The following SH2D3A variants were observed in gnomAD, a reference collection of about 807,000 sequenced individuals.
The protein encoded by SH2D3A is SH2 domain containing 3A, also known as SH2 domain-containing protein 3A.
A neutral mutation model predicts 50.6 loss-of-function variants in SH2D3A; 46 were observed. That is an observed-to-expected ratio of 0.91 (90% CI 0.72 to 1.16). SH2D3A has a LOEUF of 1.16. Among genes scored for constraint, SH2D3A ranks in the 50% most tolerant of loss-of-function variants. The pLI is 0.00. For synonymous variants in SH2D3A, 377 were observed against 348.4 expected, an observed-to-expected ratio of 1.08 and a Z score of -0.91; for missense variants, 783 against 786.2, an observed-to-expected ratio of 1.00 and a Z score of 0.05.
At position 6,754,693 on chromosome 19, in the gene SH2D3A, G is replaced by C. The variant is rs1419897376; in HGVS notation, c.1020C>G (p.Gly340=). The part of the protein sequence containing the change: ...GLLGVTRDQR[G]NMGVSSGLEL... ...CCAGGCCAGATGAGACTCCCATGTT[G>C]CCCCGCTGATCTCTGGTCACTCCCA... The change falls in exon 6 of 10, where the codon GGC becomes GGG. Residue 340 remains glycine, a synonymous_variant. Coordinates refer to ENST00000245908, the MANE Select transcript of SH2D3A (RefSeq NM_005490.3). 6.2e-7 allele frequency: 1 copy of C among 1,614,216 alleles called. No homozygotes were observed. Among genetic ancestry groups the C allele is most frequent in the South Asian group, 1.1e-5 (1 of 91,084 alleles).
chr19:6,753,929 C>T (rs1426502334), intron 8 of SH2D3A, 123 bp downstream of exon 8: 1 of 1,214,874 alleles, frequency 8.2e-7, no homozygotes, highest in Non-Finnish European at 1.1e-6. Context: ...ATGTGGAGGG[C>T]GGGGCCTATG....
intron 3 of SH2D3A, 55 bp from the exon 4 acceptor site, chr19:6,759,725 C>T: frequency 6.5e-7 from 1 of 1,545,280 alleles, no homozygotes; most frequent in Non-Finnish European, 8.9e-7. Context: ...GTGTCCCCCA[C>T]CAATATCTGC....
intron 6 of SH2D3A, 36 bp from the exon 7 acceptor site, chr19:6,754,461 G>A (rs760020047): frequency 6.5e-7 from 1 of 1,530,244 alleles, no homozygotes; most frequent in Non-Finnish European, 8.7e-7. Context: ...GGGGGAAGTG[G>A]GGAGGTTTGT....
intron 4 of SH2D3A, 89 bp downstream of exon 4, chr19:6,759,505 G>A (rs1969887231): frequency 1.8e-6 from 2 of 1,136,540 alleles, no homozygotes; most frequent in African/African-American, 1.5e-5. Flanking sequence ...ATTGAGGCTC[G>A]AAGAGGTGCC....
chr19:6,765,003 C>T (rs1970234325), intron 1 of SH2D3A, among the ~76,000 whole-genome samples: 1 of 150,634 alleles, frequency 6.6e-6, no homozygotes, highest in Non-Finnish European at 1.5e-5. Context: ...TCGGCCTCCT[C>T]AGTAGCTGGG....
At chr19:6,759,548 G>A in intron 4 of SH2D3A, 46 bp downstream of exon 4, 1 of 1,571,174 alleles carries the variant, frequency 6.4e-7, no homozygotes, top group Non-Finnish European at 8.8e-7. Context: ...GGTGGTGAGT[G>A]GCAGAGCCAA....
rs771362495 is a variant in SH2D3A, at chr19:6,753,540, G to A, written c.1486C>T (p.Arg496Trp). The A allele has an allele frequency of 3.1e-5, 49 of 1,568,300 alleles. No individual in the cohort carries two copies. The highest frequency in any genetic ancestry group is 7.5e-5 in the Admixed American group (4 of 53,484). The change falls in exon 9 of 10, where the codon CGG (arginine) becomes TGG (tryptophan). Residue 496 changes from arginine (R) to tryptophan (W), a missense_variant. By Grantham distance (101) the Arg-to-Trp change is moderately radical (BLOSUM62 -3). Transcript: ENST00000245908. ...VAGPLDESCE[R>W]LLRTLHGARH... ...GCCCCGTGCAGGGTGCGCAACAGCC[G>A]CTCACAGCTCTCGTCCAGCGGCCCC...
intron 7 of SH2D3A, 43 bp from the exon 8 acceptor site, chr19:6,754,206 A>G (rs769803504): frequency 6.2e-7 from 1 of 1,607,392 alleles, no homozygotes; most frequent in Non-Finnish European, 8.5e-7. Context: ...CAGTCTTCCC[A>G]GTCACCCGCA....
rs1444176185 is a variant in SH2D3A, at chr19:6,761,251, T to C, written c.70-264A>G. On this transcript the variant is annotated intron_variant, in intron 2 of 9. Coordinates refer to ENST00000245908, the MANE Select transcript of SH2D3A (RefSeq NM_005490.3). ...AATGGGATGTGGGGTAGAAGGGCTA[T>C]GGGAAATATCCAGACCTGGCGCATA... The C allele has an allele frequency of 1.1e-5, 5 of 462,012 alleles. No individual in the cohort carries two copies. The East Asian group carries it at 1.5e-4, about 14-fold the overall frequency. 28.6% of individuals were successfully genotyped at this position (462,012 alleles called of 1,614,324 possible).
Position 6,761,000 on chromosome 19 carries a change from T to G in SH2D3A, c.70-13A>C, listed in dbSNP as rs7246122. 362,390 of 1,591,258 alleles carry G rather than the reference T, an allele frequency of 0.23. 44,235 individuals carry two copies. The highest frequency in any genetic ancestry group is 0.42 in the African/African-American group (31,672 of 74,528). On this transcript the variant is annotated splice_polypyrimidine_tract_variant and intron_variant, in intron 2 of 9. Coordinates refer to ENST00000245908, the MANE Select transcript of SH2D3A (RefSeq NM_005490.3). Reference sequence around the variant, plus strand: ...GAGCTTCAGCCTTCTGTGGATGAAGTTCAGGGGGCAGGGGAATTAGGAATG... The same window carrying G: ...GAGCTTCAGCCTTCTGTGGATGAAGGTCAGGGGGCAGGGGAATTAGGAATG...
intron 8 of SH2D3A, 43 bp downstream of exon 8, chr19:6,754,009 G>A (rs1458662240): frequency 6.5e-7 from 1 of 1,541,772 alleles, no homozygotes; most frequent in Non-Finnish European, 8.7e-7. Context: ...GTTAAATTTG[G>A]TCTGGGCCCC....
Position 6,760,915 on chromosome 19 carries a change from C to G in SH2D3A, c.142G>C (p.Val48Leu), listed in dbSNP as rs893883445. Residue 48 changes from valine (V) to leucine (L), a missense_variant, in exon 3 of 10, where the codon GTG (valine) becomes CTG (leucine). Physicochemically the swap from Val to Leu is conservative, Grantham distance 32 (BLOSUM62 1). Coordinates refer to ENST00000245908, the MANE Select transcript of SH2D3A (RefSeq NM_005490.3). ...GAGCCCCGCCAGCGGCAGGAGATCA[C>G]GGGGTTGCCCCCACGGGACCCAGAG... ...RASGSRGGNP[V>L]ISCRWRGSAL... 3 of 1,614,154 alleles carry G rather than the reference C, an allele frequency of 1.9e-6. No homozygotes were observed. The highest frequency in any genetic ancestry group is 2.5e-6 in the Non-Finnish European group (3 of 1,180,024).
chr19:6,753,617 G>A lies in SH2D3A; in HGVS notation c.1409C>T (p.Ala470Val). 4 of 1,585,026 alleles carry A rather than the reference G, an allele frequency of 2.5e-6. No individual in the cohort carries two copies. Among genetic ancestry groups the A allele is most frequent in the Non-Finnish European group, 3.4e-6 (4 of 1,167,148 alleles). Residue 470 changes from alanine (A) to valine (V), a missense_variant, in exon 9 of 10, where the codon GCG becomes GTG. Transcript: ENST00000245908. ...GAGPCDPGEV[A>V]LPHVAPMVRL... is the part of the protein sequence containing the mutation. ...AACCATGGGTGCCACGTGCGGCAGC[G>A]CCACCTCGCCGGGGTCGCAGGGTCC... is the stretch of plus-strand genomic sequence containing the variant.
At chr19:6,761,056 CCCA>C (rs1194261021) in intron 2 of SH2D3A, 69 bp from the exon 3 acceptor site, 1 of 1,196,014 alleles carries the variant, frequency 8.4e-7, no homozygotes, top group African/African-American at 1.5e-5. Context: ...GGTAGCTCCC[CCCA>C]CCATTGCCCC....
At chr19:6,757,101 G>A (rs1163713278) in intron 4 of SH2D3A, among the ~76,000 whole-genome samples, 1 of 151,860 alleles carries the variant, frequency 6.6e-6, no homozygotes, top group African/African-American at 2.4e-5. Flanking sequence ...TCTTGACCTC[G>A]TGATCCGCCC....
In SH2D3A at chr19:6,752,454, A is replaced by G; in HGVS notation, c.*139T>C. On this transcript the variant is annotated 3_prime_UTR_variant, in exon 10 of 10. Coordinates refer to ENST00000245908, the MANE Select transcript of SH2D3A (RefSeq NM_005490.3). Reference sequence around the variant, plus strand: ...GTTCACCATGGTCCAGGTGACCCTGACTGCGGTCCCCACCTCTTCTGTGAG... The same window carrying G: ...GTTCACCATGGTCCAGGTGACCCTGGCTGCGGTCCCCACCTCTTCTGTGAG... 1 of 719,428 alleles carries G rather than the reference A, an allele frequency of 1.4e-6. No individual in the cohort carries two copies. Among genetic ancestry groups the G allele is most frequent in the Non-Finnish European group, 2.0e-6 (1 of 496,782 alleles). 44.6% of individuals were successfully genotyped at this position (719,428 alleles called of 1,614,324 possible). A position where few individuals can be genotyped will look rare whatever the true frequency, so the allele number is the denominator to read the frequency against.
Position 6,753,530 on chromosome 19 carries a change from C to T in SH2D3A, c.1496G>A (p.Arg499His). Residue 499 changes from arginine to histidine, a missense_variant, in exon 9 of 10, where the codon CGC becomes CAC. By Grantham distance (29) the Arg-to-His change is conservative (BLOSUM62 0). Transcript: ENST00000245908. ...PLDESCERLL[R>H]TLHGARHMVR... ...CATGTGACGCGCCCCGTGCAGGGTGCGCAACAGCCGCTCACAGCTCTCGTC... is the reference window on the plus strand; with the variant it reads ...CATGTGACGCGCCCCGTGCAGGGTGTGCAACAGCCGCTCACAGCTCTCGTC... The T allele has an allele frequency of 1.3e-6, 2 of 1,563,350 alleles. No individual in the cohort carries two copies. The highest frequency in any genetic ancestry group is 8.7e-7 in the Non-Finnish European group (1 of 1,154,600).
chr19:6,755,650 A>G (rs986348472), intron 4 of SH2D3A, among the ~76,000 whole-genome samples: 35 of 151,668 alleles, frequency 2.3e-4, no homozygotes, highest in Middle Eastern at 3.4e-3. Context: ...CGGCCTCCCA[A>G]ACTGCTGGGA....
At chr19:6,752,805 C>G (rs770114685) in intron 9 of SH2D3A, 52 bp from the exon 10 acceptor site, 5 of 1,463,858 alleles carry the variant, frequency 3.4e-6, no homozygotes, top group Middle Eastern at 2.1e-4. Flanking sequence ...CCCGCCTCGC[C>G]CCTCCCAACC....
Sources: gnomAD v4.1 joint callset for allele counts (sites outside exome capture counted in the v4.1 genomes callset) on GRCh38, gnomAD v4.1.1 for gene constraint, MANE v1.5 for transcripts, NCBI Gene and HGNC (gene_info 2026-07-23, HGNC 2026-07-21) for gene names.